The following IFT88 variants were observed in gnomAD, a reference collection of about 807,000 sequenced individuals.
The protein encoded by IFT88 is intraflagellar transport 88, also known as intraflagellar transport protein 88 homolog.
Under a neutral mutation model 119.5 loss-of-function variants are expected in IFT88, and 74 were observed. The ratio of observed to expected loss-of-function variants is 0.62; its 90% confidence interval spans 0.51 to 0.75. The LOEUF (loss-of-function observed/expected upper bound fraction) is 0.75. IFT88 is among the 30% of genes least tolerant of loss of function. The pLI is 0.00. For missense variants in IFT88, 961 were observed against 977.7 expected (o/e 0.98, Z 0.23); for synonymous variants, 279 against 316.7 (o/e 0.88, Z 1.26).
chr13:20,608,973 G>A (rs2043994351), intron 13 of IFT88, among the ~76,000 whole-genome samples: 1 of 152,110 alleles, frequency 6.6e-6, no homozygotes, highest in Non-Finnish European at 1.5e-5. Flanking sequence ...CTATTTCTAT[G>A]GCACTTATCT....
intron 16 of IFT88, among the ~76,000 whole-genome samples, chr13:20,636,704 G>A (rs2049063591): frequency 6.6e-6 from 1 of 152,220 alleles, no homozygotes; most frequent in African/African-American, 2.4e-5. Context: ...CCCCAACACA[G>A]GCCCTCACAG....
chr13:20,583,337 G>T (rs948870231), intron 3 of IFT88, among the ~76,000 whole-genome samples: 1 of 152,064 alleles, frequency 6.6e-6, no homozygotes, highest in Non-Finnish European at 1.5e-5. Flanking sequence ...TTTGTGACTG[G>T]CTTATTCACT....
intron 16 of IFT88, among the ~76,000 whole-genome samples, chr13:20,637,486 G>A (rs1362034318): frequency 1.3e-5 from 2 of 152,070 alleles, no homozygotes; most frequent in Non-Finnish European, 2.9e-5. Flanking sequence ...GAACCCAGAG[G>A]GCCTTCATGG....
At chr13:20,640,396 A>AC (rs1291828239) in intron 17 of IFT88, among the ~76,000 whole-genome samples, 1 of 151,142 alleles carries the variant, frequency 6.6e-6, no homozygotes, top group African/African-American at 2.4e-5. Context: ...ACACAGTGAA[A>AC]CCCCGTCTCT....
intron 2 of IFT88, among the ~76,000 whole-genome samples, chr13:20,578,031 C>CTTTTTTTTTTTTTTTTTT (rs1566055004): frequency 1.7e-5 from 1 of 59,824 alleles, no homozygotes; most frequent in African/African-American, 5.1e-5. Flanking sequence ...AGTCTTGTTA[C>CTTTTTTTTTTTTTTTTTT]TTCTTTTTTT....
intron 13 of IFT88, chr13:20,612,045 A>G (rs1362321017): frequency 6.6e-6 from 1 of 152,224 alleles, no homozygotes; most frequent in Non-Finnish European, 1.5e-5. Flanking sequence ...AGATGACATG[A>G]TCTTGTACAT....
intron 22 of IFT88, among the ~76,000 whole-genome samples, chr13:20,656,665 A>T (rs1361342341): frequency 6.6e-6 from 1 of 152,196 alleles, no homozygotes; most frequent in East Asian, 1.9e-4. Context: ...ATACTAAAAA[A>T]ATACATATTT....
rs571664731 is a variant in IFT88, at chr13:20,634,220, T to C, written c.1386+3118T>C. On this transcript the variant is annotated intron_variant, in intron 16 of 25. Transcript: ENST00000351808. ...ATTATTTTGTTGAACAAAACAAACATGAGAGAGAATCATACCTGAATGAGT... is the reference window on the plus strand; with the variant it reads ...ATTATTTTGTTGAACAAAACAAACACGAGAGAGAATCATACCTGAATGAGT... Among the ~76,000 whole-genome samples the C allele has an allele frequency of 3.0e-4, 46 of 152,268 alleles. No homozygotes were observed. In the South Asian group the frequency reaches 9.6e-3, roughly 32 times the overall value.
chr13:20,567,459 A>G (rs1013288351), intron 1 of IFT88, among the ~76,000 whole-genome samples: 1 of 152,254 alleles, frequency 6.6e-6, no homozygotes, highest in Non-Finnish European at 1.5e-5. Context: ...TTGTCTACTC[A>G]GAAACGCGGG....
intron 13 of IFT88, among the ~76,000 whole-genome samples, chr13:20,609,343 C>T (rs920680960): frequency 2.0e-5 from 3 of 152,116 alleles, no homozygotes; most frequent in African/African-American, 7.2e-5. Context: ...AAGACCACGG[C>T]GTTTTGGTTC....
chr13:20,601,420 T>C (rs992039528), intron 11 of IFT88, among the ~76,000 whole-genome samples: 2 of 151,338 alleles, frequency 1.3e-5, no homozygotes, highest in Non-Finnish European at 2.9e-5. Flanking sequence ...GAATGGGGAA[T>C]GACTGTTAAT....
chr13:20,640,440 G>A (rs2049725723), intron 17 of IFT88, among the ~76,000 whole-genome samples: 1 of 151,948 alleles, frequency 6.6e-6, no homozygotes, highest in Non-Finnish European at 1.5e-5. Flanking sequence ...AGGCGTGATG[G>A]CGGGCGCCTG....
At chr13:20,645,783 C>G (rs952239113) in intron 20 of IFT88, among the ~76,000 whole-genome samples, 1 of 152,068 alleles carries the variant, frequency 6.6e-6, no homozygotes, top group African/African-American at 2.4e-5. Flanking sequence ...ATTTTAAGAA[C>G]AAATGCCCCT....
At chr13:20,608,044 C>T (rs2043814861) in intron 13 of IFT88, 1 of 553,056 alleles carries the variant, frequency 1.8e-6, no homozygotes, top group African/African-American at 1.9e-5. Context: ...CAATGGCCTC[C>T]TCTTCCCCCA....
chr13:20,669,356 G>GTT (rs1485816661), intron 23 of IFT88, among the ~76,000 whole-genome samples: 1 of 151,850 alleles, frequency 6.6e-6, no homozygotes, highest in Admixed American at 6.6e-5. Flanking sequence ...CAGGATACAA[G>GTT]TTTTCACATG....
chr13:20,677,626 A>C (rs2056838129), intron 24 of IFT88, among the ~76,000 whole-genome samples: 1 of 152,226 alleles, frequency 6.6e-6, no homozygotes. Context: ...AAAGGTCCCA[A>C]AGTTATTGTC....
chr13:20,618,799 T>C (rs1481489459), intron 14 of IFT88, among the ~76,000 whole-genome samples: 1 of 152,200 alleles, frequency 6.6e-6, no homozygotes, highest in Admixed American at 6.5e-5. Flanking sequence ...TATGAATTCT[T>C]CTGGCATTCT....
chr13:20,583,743 C>G (rs1235653689), intron 3 of IFT88, among the ~76,000 whole-genome samples: 1 of 152,126 alleles, frequency 6.6e-6, no homozygotes, highest in Non-Finnish European at 1.5e-5. Context: ...TTTCTTCTAG[C>G]ATTTTTTGTA....
In IFT88 at chr13:20,643,570, G is replaced by A; in HGVS notation, c.1798G>A (p.Gly600Arg). The A allele has an allele frequency of 6.2e-7, 1 of 1,609,422 alleles. No individual in the cohort carries two copies. Among genetic ancestry groups the A allele is most frequent in the Admixed American group, 1.7e-5 (1 of 59,728 alleles). The change falls in exon 19 of 26, where the codon GGA becomes AGA. Residue 600 changes from glycine (G) to arginine (R), a missense_variant. Gly to Arg is a moderately radical substitution (Grantham distance 125). Transcript: ENST00000351808. ...GCTAGGAGAATTATATGATCGTGAA[G>A]GAGATAAATCTCAAGCATTTCAATA... ...SKLGELYDRE[G>R]DKSQAFQYYY...
Sources: allele counts gnomAD v4.1 joint callset (sites outside exome capture counted in the v4.1 genomes callset), GRCh38; gene constraint gnomAD v4.1.1; transcripts MANE v1.5; gene names NCBI Gene and HGNC (gene_info 2026-07-23, HGNC 2026-07-21).